GNL3L: variants seen among roughly 807,000 people sequenced by gnomAD.
GNL3L encodes the protein G protein nucleolar 3 like.
Under a neutral mutation model 42.9 loss-of-function variants are expected in GNL3L, and 4 were observed. The observed-to-expected ratio is 0.09, with a 90% CI of 0.05 to 0.21. The LOEUF (loss-of-function observed/expected upper bound fraction) is 0.21, where lower values mean the gene tolerates loss of function less well. GNL3L is among the 10% of genes least tolerant of loss of function. GNL3L has a pLI of 1.00. For missense variants in GNL3L, 412 were observed against 481.7 expected (o/e 0.86, Z 1.36); for synonymous variants, 159 against 176.3 (o/e 0.90, Z 0.78).
At chrX:54,568,258 C>T (rs1413276933), downstream of GNL3L, among the ~76,000 whole-genome samples, 2 of 112,237 alleles carry the variant, frequency 1.8e-5, no homozygotes, top group Non-Finnish European at 3.8e-5. Context: ...TGAGCCATTG[C>T]ACCCAGCCTA....
At chrX:54,639,975 G>A in the GNL3L span, among the ~76,000 whole-genome samples, 5 of 110,495 alleles carry the variant, frequency 4.5e-5, 1 homozygote, top group Admixed American at 4.8e-4. Context: ...GCTGGCCACC[G>A]AGAGTGGAAG....
At chrX:54,552,820 C>T (rs1408449240) in intron 13 of GNL3L, among the ~76,000 whole-genome samples, 1 of 111,651 alleles carries the variant, frequency 9.0e-6, no homozygotes, top group Non-Finnish European at 1.9e-5. Flanking sequence ...TTCCTTCTTA[C>T]CCCTATCGGT....
chrX:54,590,592 A>G (rs2147520585), intron 16 of GNL3L, among the ~76,000 whole-genome samples: 1 of 111,132 alleles, frequency 9.0e-6, no homozygotes, highest in East Asian at 2.8e-4. Context: ...CACTTTGTTG[A>G]TCATTTCCCT....
At chrX:54,645,474 C>G in the GNL3L span, among the ~76,000 whole-genome samples, 1 of 111,933 alleles carries the variant, frequency 8.9e-6, no homozygotes, top group Non-Finnish European at 1.9e-5. Context: ...TTTCATTTGA[C>G]CTATTAGTAC....
rs142929538 is a variant in GNL3L at position 54,596,424 on chromosome X, C to G, written c.*46-24421C>G. Among the ~76,000 whole-genome samples the G allele has an allele frequency of 5.2e-4, 58 of 112,001 alleles. No individual in the cohort carries two copies. In the East Asian group the frequency reaches 0.016, roughly 31 times the overall value. The stretch of plus-strand genomic sequence containing the variant: ...TTTCTCCTAAACAAACAAAATCTCT[C>G]TCTGTTCTGAACCACCTAGAGCTGG... On this transcript the variant is annotated intron_variant, in intron 16 of 16. Transcript: ENST00000674498.
At chrX:54,624,121 G>A (rs1358283756), downstream of GNL3L, among the ~76,000 whole-genome samples, 1 of 111,128 alleles carries the variant, frequency 9.0e-6, no homozygotes, top group Non-Finnish European at 1.9e-5. Context: ...GGGTTTTGCA[G>A]TGTTGCCCAG....
At chrX:54,595,375 G>T (rs1415498166) in intron 16 of GNL3L, among the ~76,000 whole-genome samples, 1 of 111,411 alleles carries the variant, frequency 9.0e-6, no homozygotes, top group Admixed American at 9.6e-5. Flanking sequence ...CTCTCTCCTG[G>T]CCTGGAAGGT....
intron 16 of GNL3L, among the ~76,000 whole-genome samples, chrX:54,573,904 C>T (rs1210064839): frequency 9.3e-6 from 1 of 107,187 alleles, no homozygotes; most frequent in African/African-American, 3.4e-5. Flanking sequence ...ATGCCAGGCC[C>T]TGTGAATTTT....
At chrX:54,542,183 G>T (rs1030117367) in intron 5 of GNL3L, among the ~76,000 whole-genome samples, 26 of 111,180 alleles carry the variant, frequency 2.3e-4, no homozygotes, top group Non-Finnish European at 4.7e-4. Context: ...TGCCATGTTG[G>T]TGTGCTGCAC....
chrX:54,546,511 A>G (rs1924776336), intron 8 of GNL3L, among the ~76,000 whole-genome samples: 1 of 111,244 alleles, frequency 9.0e-6, no homozygotes, highest in Non-Finnish European at 1.9e-5. Flanking sequence ...ACCAATTTAT[A>G]CTCCCACCAG....
exon 17 of GNL3L, among the ~76,000 whole-genome samples, chrX:54,620,884 CAGACA>C (rs1926279190): frequency 8.9e-6 from 1 of 112,237 alleles, no homozygotes; most frequent in Non-Finnish European, 1.9e-5. Context: ...GTCACAGCTC[CAGACA>C]ACACATGAAG....
chrX:54,617,137 T>C (rs1435644431), intron 16 of GNL3L, among the ~76,000 whole-genome samples: 1 of 111,918 alleles, frequency 8.9e-6, no homozygotes, highest in African/African-American at 3.3e-5. Context: ...TCTGTGCTTG[T>C]GCCTGGATCC....
At chrX:54,592,881 A>G (rs957207634) in intron 16 of GNL3L, among the ~76,000 whole-genome samples, 5 of 111,026 alleles carry the variant, frequency 4.5e-5, no homozygotes, top group African/African-American at 1.6e-4. Context: ...TGAAATGATT[A>G]TGTGGTTTTG....
At chrX:54,607,061 T>TCTTTCTTTC (rs1569542608) in intron 16 of GNL3L, among the ~76,000 whole-genome samples, 6 of 48,419 alleles carry the variant, frequency 1.2e-4, no homozygotes, top group African/African-American at 2.2e-4. Flanking sequence ...TCTTTCTTTC[T>TCTTTCTTTC]TTCTTTCTTT....
At chrX:54,542,658 T>C (rs1027413322) in intron 5 of GNL3L, among the ~76,000 whole-genome samples, 3 of 111,950 alleles carry the variant, frequency 2.7e-5, no homozygotes, top group Non-Finnish European at 5.6e-5. Flanking sequence ...TTCTAGATCC[T>C]TGAGGAATCG....
At chrX:54,543,948 G>A (rs1924697459) in intron 7 of GNL3L, 3 of 271,236 alleles carry the variant, frequency 1.1e-5, no homozygotes, top group African/African-American at 2.8e-5. Context: ...TGCTCCTGGC[G>A]CTGTTTTGGA....
chrX:54,608,017 A>G (rs763131172), intron 16 of GNL3L, among the ~76,000 whole-genome samples: 2 of 112,434 alleles, frequency 1.8e-5, no homozygotes, highest in Non-Finnish European at 3.8e-5. Flanking sequence ...AGAAAACACA[A>G]AATAATCTTT....
rs1052698473 is a variant in GNL3L, at chrX:54,598,880, C to A, written c.*46-21965C>A. Among the ~76,000 whole-genome samples the A allele has an allele frequency of 3.1e-4, 35 of 111,198 alleles. 1 individual carries two copies. The highest frequency in any genetic ancestry group is 9.6e-5 in the Admixed American group (1 of 10,435). ...AACATTGAATAACTATAGACTACTTCAAAAAGATGTAGCATGAACATAATT... is the reference window on the plus strand; with the variant it reads ...AACATTGAATAACTATAGACTACTTAAAAAAGATGTAGCATGAACATAATT... On this transcript the variant is annotated intron_variant, in intron 16 of 16. Transcript: ENST00000674498.
intron 2 of GNL3L, among the ~76,000 whole-genome samples, chrX:54,533,965 CTG>C (rs1924345250): frequency 2.0e-5 from 2 of 102,299 alleles, no homozygotes; most frequent in South Asian, 7.9e-4. Flanking sequence ...TATGGAAAAA[CTG>C]TATTGTGTGG....
Sources: gnomAD v4.1 joint callset for allele counts (sites outside exome capture counted in the v4.1 genomes callset) on GRCh38, gnomAD v4.1.1 for gene constraint, MANE v1.5 for transcripts, NCBI Gene and HGNC (gene_info 2026-07-23, HGNC 2026-07-21) for gene names.